The following GSK3B variants were observed in gnomAD, a reference collection of about 807,000 sequenced individuals.
The protein encoded by GSK3B is glycogen synthase kinase-3 beta.
A neutral mutation model predicts 56.4 loss-of-function variants in GSK3B; 15 were observed. The observed-to-expected ratio is 0.27, with a 90% CI of 0.18 to 0.41. The LOEUF (loss-of-function observed/expected upper bound fraction) is 0.41. Ranked by LOEUF, GSK3B falls within the 10% of genes least tolerant of loss-of-function variation. The pLI is 1.00. For missense variants in GSK3B, 300 were observed against 513.4 expected (o/e 0.58, Z 4.02); for synonymous variants, 181 against 188.9 (o/e 0.96, Z 0.34).
intron 2 of GSK3B, among the ~76,000 whole-genome samples, chr3:119,999,820 T>G (rs2057658461): frequency 1.3e-5 from 2 of 152,168 alleles, no homozygotes; most frequent in Non-Finnish European, 2.9e-5. Flanking sequence ...GAAGAACATA[T>G]TTCAAGGAGA....
chr3:119,960,180 C>T (rs2057258024), intron 2 of GSK3B, among the ~76,000 whole-genome samples: 1 of 142,480 alleles, frequency 7.0e-6, no homozygotes, highest in South Asian at 2.2e-4. Context: ...AAAAAGCTAG[C>T]CCAAAAGGTT....
chr3:119,975,419 C>A (rs1432525009), intron 2 of GSK3B, among the ~76,000 whole-genome samples: 5 of 152,064 alleles, frequency 3.3e-5, no homozygotes, highest in African/African-American at 7.2e-5. Context: ...TGCACTCCAG[C>A]CTTGGCACAA....
intron 1 of GSK3B, among the ~76,000 whole-genome samples, chr3:120,026,220 A>C (rs2057921537): frequency 6.6e-6 from 1 of 152,202 alleles, no homozygotes; most frequent in Non-Finnish European, 1.5e-5. Flanking sequence ...ATTTTCTAAA[A>C]GTCTTAAAAC....
intron 1 of GSK3B, among the ~76,000 whole-genome samples, chr3:120,087,599 G>A (rs1017421819): frequency 6.6e-6 from 1 of 151,926 alleles, no homozygotes; most frequent in African/African-American, 2.4e-5. Context: ...ATTAACCTTA[G>A]ACCATGTTAT....
intron 3 of GSK3B, among the ~76,000 whole-genome samples, chr3:119,946,949 T>C (rs886957129): frequency 6.6e-6 from 1 of 151,874 alleles, no homozygotes. Flanking sequence ...ATAGGTAAAC[T>C]ATCAGAGGGC....
chr3:119,857,111 T>C (rs1446039546), intron 9 of GSK3B, among the ~76,000 whole-genome samples: 2 of 152,214 alleles, frequency 1.3e-5, no homozygotes, highest in Non-Finnish European at 1.5e-5. Flanking sequence ...ACCTGAGCCT[T>C]CTGCGAGTCA....
At chr3:119,953,939 G>T (rs1255161216) in intron 2 of GSK3B, among the ~76,000 whole-genome samples, 1 of 152,026 alleles carries the variant, frequency 6.6e-6, no homozygotes, top group Non-Finnish European at 1.5e-5. Context: ...GTTCATTGAT[G>T]TTATATAAAA....
chr3:119,834,166 A>G (rs2055651475), intron 10 of GSK3B, among the ~76,000 whole-genome samples: 1 of 152,066 alleles, frequency 6.6e-6, no homozygotes, highest in Admixed American at 6.6e-5. Context: ...AGCCTGGGAG[A>G]TATTATTTAT....
At chr3:119,976,245 A>T (rs551017761) in intron 2 of GSK3B, among the ~76,000 whole-genome samples, 1 of 152,326 alleles carries the variant, frequency 6.6e-6, no homozygotes, top group East Asian at 1.9e-4. Context: ...GAGAAATGAA[A>T]ACCTATTTCC....
intron 1 of GSK3B, among the ~76,000 whole-genome samples, chr3:120,046,276 T>C (rs1187264243): frequency 2.0e-5 from 3 of 152,198 alleles, no homozygotes; most frequent in African/African-American, 7.2e-5. Context: ...GTAAATTATA[T>C]ACTTCAGTTA....
intron 2 of GSK3B, among the ~76,000 whole-genome samples, chr3:119,973,033 A>G (rs1461570325): frequency 6.6e-6 from 1 of 152,160 alleles, no homozygotes; most frequent in African/African-American, 2.4e-5. Flanking sequence ...TCCAATATTG[A>G]GGAACTACTG....
chr3:120,080,766 G>A (rs2058412344), intron 1 of GSK3B, among the ~76,000 whole-genome samples: 1 of 151,734 alleles, frequency 6.6e-6, no homozygotes, highest in South Asian at 2.1e-4. Context: ...GGGAGGCAGA[G>A]ATTGCAGTGA....
chr3:120,064,735 T>C (rs886252519), intron 1 of GSK3B, among the ~76,000 whole-genome samples: 2 of 152,178 alleles, frequency 1.3e-5, no homozygotes, highest in South Asian at 2.1e-4. Flanking sequence ...TTGGAGGACT[T>C]ACTGATTTCA....
At chr3:119,828,188 T>C (rs2055545176) in intron 10 of GSK3B, among the ~76,000 whole-genome samples, 2 of 152,226 alleles carry the variant, frequency 1.3e-5, no homozygotes, top group Non-Finnish European at 2.9e-5. Context: ...TTTGCCCTAA[T>C]CTTTTAGAAA....
rs1379922256 is a variant in GSK3B at position 120,010,004 on chromosome 3, A to G, written c.89-7765T>C. Among the ~76,000 whole-genome samples, 4 of 152,160 alleles carry G rather than the reference A, an allele frequency of 2.6e-5. No homozygotes were observed. In the East Asian group the frequency reaches 7.7e-4, roughly 29 times the overall value. ...TAAAACACTCAAACTGGCATGATTT[A>G]ATCACCCCAAATCCAAAACCACTTG... is the stretch of plus-strand genomic sequence containing the variant. On this transcript the variant is annotated intron_variant, in intron 1 of 10. Coordinates refer to ENST00000264235, the MANE Select transcript of GSK3B (RefSeq NM_001146156.2).
intron 3 of GSK3B, among the ~76,000 whole-genome samples, chr3:119,924,116 A>G (rs2056869001): frequency 6.6e-6 from 1 of 152,252 alleles, no homozygotes; most frequent in Admixed American, 6.5e-5. Flanking sequence ...ACGTGTTACC[A>G]TACTCACAAG....
At chr3:120,074,459 C>T (rs535826221) in intron 1 of GSK3B, among the ~76,000 whole-genome samples, 1 of 150,496 alleles carries the variant, frequency 6.6e-6, no homozygotes, top group Non-Finnish European at 1.5e-5. Context: ...TCAAGCGATT[C>T]TCCTGCCTCA....
chr3:119,852,680 G>C (rs115630797), intron 9 of GSK3B, among the ~76,000 whole-genome samples: 2,433 of 152,204 alleles, frequency 0.016, 63 homozygotes, highest in African/African-American at 0.055. Context: ...TGCAATAAAT[G>C]AGGCATTACC....
At chr3:120,041,258 G>T (rs1175291919) in intron 1 of GSK3B, 2 of 253,632 alleles carry the variant, frequency 7.9e-6, no homozygotes, top group African/African-American at 2.3e-5. Flanking sequence ...CCAAGCAGCT[G>T]GGCATCCCTG....
Sources: allele counts gnomAD v4.1 joint callset (sites outside exome capture counted in the v4.1 genomes callset), GRCh38; gene constraint gnomAD v4.1.1; transcripts MANE v1.5; gene names NCBI Gene and HGNC (gene_info 2026-07-23, HGNC 2026-07-21).